Variants in PCDHGB2 observed in about 807,000 individuals in gnomAD.
PCDHGB2 encodes the protein protocadherin gamma subfamily B, 2.
In PCDHGB2, 55 loss-of-function variants were observed where a neutral mutation model predicts 59.3. The ratio of observed to expected loss-of-function variants is 0.93; its 90% CI spans 0.75 to 1.16. The LOEUF is 1.16. PCDHGB2 is among the 50% of genes most tolerant of loss of function. The pLI is 0.00. For synonymous variants in PCDHGB2, 516 were observed against 512.0 expected (o/e 1.01, Z -0.11); for missense variants, 1,228 against 1,198.5 (o/e 1.02, Z -0.36).
chr5:141,486,828 G>A lies in PCDHGB2; in HGVS notation c.2422-7979G>A, dbSNP rs140257646. 77 of 1,614,218 alleles carry A rather than the reference G, an allele frequency of 4.8e-5. 1 individual carries two copies. In the East Asian group the frequency reaches 1.2e-3, roughly 26 times the overall value. On this transcript the variant is annotated intron_variant, in intron 1 of 3. Transcript: ENST00000522605. This position sits in a 1 kb window ranked among gnomAD's most constrained non-coding sequence, Gnocchi z 5.0. ...CCCCTTAGCAGCACTGTAACAGTTCGTCTATTTGTGCTGGACCTCAATGAC... is the reference window on the plus strand; with the variant it reads ...CCCCTTAGCAGCACTGTAACAGTTCATCTATTTGTGCTGGACCTCAATGAC...
chr5:141,374,091 C>A, intron 1 of PCDHGB2: 1 of 1,536,766 alleles, frequency 6.5e-7, no homozygotes, highest in Non-Finnish European at 8.8e-7. Context: ...GTAATGGCGC[C>A]TCCGCAGAGG....
chr5:141,419,420 G>C (rs774685112), intron 1 of PCDHGB2: 10 of 1,613,372 alleles, frequency 6.2e-6, no homozygotes, highest in Non-Finnish European at 7.6e-6. Flanking sequence ...GCGCGCCTTC[G>C]ACCACGAGCA....
intron 2 of PCDHGB2, among the ~76,000 whole-genome samples, chr5:141,504,948 T>C (rs1044527570): frequency 2.0e-5 from 3 of 152,080 alleles, no homozygotes; most frequent in Admixed American, 1.3e-4. Flanking sequence ...GAATGCACTA[T>C]GTTCAATGCA....
chr5:141,421,760 A>G, intron 1 of PCDHGB2: 1 of 1,613,868 alleles, frequency 6.2e-7, no homozygotes, highest in South Asian at 1.1e-5. Context: ...CCTAATAATT[A>G]CTTTTCCTTG....
intron 1 of PCDHGB2, chr5:141,410,277 T>A (rs1461250700): frequency 1.9e-6 from 3 of 1,613,896 alleles, no homozygotes; most frequent in Non-Finnish European, 2.5e-6. Context: ...CAGTTTTACC[T>A]GGTGGTGGCC....
At chr5:141,430,846 C>A in intron 1 of PCDHGB2, 1 of 1,576,344 alleles carries the variant, frequency 6.3e-7, no homozygotes, top group South Asian at 1.2e-5. Context: ...CCGGATGCAC[C>A]CAGATACGCT....
At position 141,432,275 on chromosome 5, in the gene PCDHGB2, T is replaced by C. The variant is rs775413198; in HGVS notation, c.2422-62532T>C. 2 of 1,614,232 alleles carry C rather than the reference T, an allele frequency of 1.2e-6. No homozygotes were observed. Among genetic ancestry groups the C allele is most frequent in the South Asian group, 2.2e-5 (2 of 91,086 alleles). On this transcript the variant is annotated intron_variant, in intron 1 of 3. Coordinates refer to ENST00000522605, the MANE Select transcript of PCDHGB2 (RefSeq NM_018923.3). This position sits in a 1 kb window ranked among gnomAD's most constrained non-coding sequence, Gnocchi z 6.0. ...AGGGGCAAGCCTATCGTCCTACGTG[T>C]CCATCAACTCCGACACTGGGGTACT... is the stretch of plus-strand genomic sequence containing the variant.
intron 1 of PCDHGB2, chr5:141,385,394 C>T: frequency 1.3e-5 from 19 of 1,499,976 alleles, no homozygotes; most frequent in Non-Finnish European, 1.7e-5. Context: ...TTTTGCAAAA[C>T]AAATGTTTTG....
At chr5:141,466,938 G>C (rs985959499) in intron 1 of PCDHGB2, among the ~76,000 whole-genome samples, 1 of 151,854 alleles carries the variant, frequency 6.6e-6, no homozygotes, top group Non-Finnish European at 1.5e-5. Context: ...TTAGTCCTTT[G>C]TCCAGTAAAC....
Position 141,477,649 on chromosome 5 carries a change from A to G in PCDHGB2, c.2422-17158A>G, listed in dbSNP as rs2099415032. 3.7e-6 allele frequency: 6 copies of G among 1,614,076 alleles called. No individual in the cohort carries two copies. Among genetic ancestry groups the G allele is most frequent in the Non-Finnish European group, 5.1e-6 (6 of 1,180,048 alleles). ...CCGGGCTAGTGGGTCGCTATTTCAC[A>G]ATAAATCGTGACAATGGCATAGTGT... On this transcript the variant is annotated intron_variant, in intron 1 of 3. Transcript: ENST00000522605. The surrounding 1 kb of genome is among the most constrained non-coding windows in gnomAD (Gnocchi z 4.9).
At chr5:141,473,066 A>G (rs1002054198) in intron 1 of PCDHGB2, among the ~76,000 whole-genome samples, 3 of 152,128 alleles carry the variant, frequency 2.0e-5, no homozygotes, top group African/African-American at 7.2e-5. Context: ...AACAAGTTAC[A>G]GCATCTTTGT....
chr5:141,505,267 A>G (rs2099845018), intron 2 of PCDHGB2, 126 bp from the exon 3 acceptor site: 1 of 1,514,640 alleles, frequency 6.6e-7, no homozygotes, highest in Admixed American at 2.0e-5. Flanking sequence ...TACCTTGCTG[A>G]GAGAAACAGG....
At chr5:141,383,193 G>C (rs911488617) in intron 1 of PCDHGB2, 1 of 1,614,066 alleles carries the variant, frequency 6.2e-7, no homozygotes, top group Non-Finnish European at 8.5e-7. Context: ...TCTGCGCTCA[G>C]AGTGCGCGGT....
In PCDHGB2 at chr5:141,485,629, C is replaced by G. The variant is rs1028146827; in HGVS notation, c.2422-9178C>G. The G allele has an allele frequency of 1.2e-6, 2 of 1,611,902 alleles. No individual in the cohort carries two copies. The highest frequency in any genetic ancestry group is 3.3e-5 in the Admixed American group (2 of 59,922). On this transcript the variant is annotated intron_variant, in intron 1 of 3. Coordinates refer to ENST00000522605, the MANE Select transcript of PCDHGB2 (RefSeq NM_018923.3). This position sits in a 1 kb window ranked among gnomAD's most constrained non-coding sequence, Gnocchi z 5.7. ...AGGCAGCTCCTCCAGGACAGCGTTTCCCGTTGGAAAAGGCTCAGGATGCAG... is the reference window on the plus strand; with the variant it reads ...AGGCAGCTCCTCCAGGACAGCGTTTGCCGTTGGAAAAGGCTCAGGATGCAG...
rs1250096461 is a variant in PCDHGB2 at position 141,485,533 on chromosome 5, G to A, written c.2422-9274G>A. 6.2e-7 allele frequency: 1 copy of A among 1,614,084 alleles called. No homozygotes were observed. Among genetic ancestry groups the A allele is most frequent in the Non-Finnish European group, 8.5e-7 (1 of 1,180,034 alleles). On this transcript the variant is annotated intron_variant, in intron 1 of 3. Coordinates refer to ENST00000522605, the MANE Select transcript of PCDHGB2 (RefSeq NM_018923.3). This position sits in a 1 kb window ranked among gnomAD's most constrained non-coding sequence, Gnocchi z 5.7. ...GTCCTTTGGAAATGTACCGAGCAGA[G>A]GTAGAGATCGTAGATGTGAATGATC...
chr5:141,364,302 C>A (rs1763258341), intron 1 of PCDHGB2: 1 of 1,521,598 alleles, frequency 6.6e-7, no homozygotes, highest in African/African-American at 1.4e-5. Context: ...TGAACCAGAA[C>A]TAAGAGAAAA....
intron 1 of PCDHGB2, chr5:141,420,985 C>T (rs1371634966): frequency 4.1e-6 from 2 of 487,950 alleles, no homozygotes; most frequent in African/African-American, 4.0e-5. Flanking sequence ...GGGCTCTAGG[C>T]GCCGCTGCTC....
chr5:141,382,463 A>T (rs1010194037), intron 1 of PCDHGB2, among the ~76,000 whole-genome samples: 1 of 152,216 alleles, frequency 6.6e-6, no homozygotes, highest in African/African-American at 2.4e-5. Context: ...GCAGTTTTTT[A>T]AAAATTATCT....
intron 1 of PCDHGB2, among the ~76,000 whole-genome samples, chr5:141,369,122 T>C (rs1766045573): frequency 6.6e-6 from 1 of 152,188 alleles, no homozygotes; most frequent in Non-Finnish European, 1.5e-5. Context: ...GTAAGACACC[T>C]GTCAGAAACA....
Sources: allele counts gnomAD v4.1 joint callset (sites outside exome capture counted in the v4.1 genomes callset), GRCh38; gene constraint gnomAD v4.1.1; non-coding constraint Gnocchi (gnomAD v3.1); transcripts MANE v1.5; gene names NCBI Gene and HGNC (gene_info 2026-07-23, HGNC 2026-07-21).